CA10: variants seen among roughly 807,000 people sequenced by gnomAD.
CA10 encodes carbonic anhydrase 10 (inactive), also known as carbonic anhydrase-related protein 10.
Under a neutral mutation model 44.2 loss-of-function variants are expected in CA10, and 14 were observed. That is an observed-to-expected ratio of 0.32 (90% confidence interval 0.21 to 0.50). CA10 has a LOEUF of 0.50. CA10 is among the 20% of genes least tolerant of loss of function. CA10 has a pLI of 0.99. For missense variants in CA10, 350 were observed against 409.7 expected (o/e 0.85, Z 1.26); for synonymous variants, 159 against 141.6 (o/e 1.12, Z -0.87).
At chr17:52,026,780 C>T (rs755219804) in intron 2 of CA10, among the ~76,000 whole-genome samples, 4 of 152,100 alleles carry the variant, frequency 2.6e-5, no homozygotes, top group Non-Finnish European at 5.9e-5. Flanking sequence ...AATTACCTCT[C>T]ATGGGCTCCT....
At chr17:51,959,759 A>G (rs1983813179) in intron 2 of CA10, among the ~76,000 whole-genome samples, 1 of 148,418 alleles carries the variant, frequency 6.7e-6, no homozygotes, top group African/African-American at 2.5e-5. Context: ...GGTTAGACTT[A>G]TGACAAGAAC....
At chr17:51,788,504 C>T (rs148867558) in intron 3 of CA10, among the ~76,000 whole-genome samples, 1 of 152,298 alleles carries the variant, frequency 6.6e-6, no homozygotes, top group East Asian at 1.9e-4. Context: ...ATGATGACCT[C>T]CATCTAAATG....
rs528677569 is a variant in CA10 at position 51,660,845 on chromosome 17, G to GTGTC, written c.466-7113_466-7110dup. On this transcript the variant is annotated intron_variant, in intron 4 of 8. Transcript: ENST00000451037. ...GTCCTTGTTTTCTGTGCTCTGCTCAGTGTCTTTCTTTCAGCCTCCCTTATA... is the reference window on the plus strand; with the variant it reads ...GTCCTTGTTTTCTGTGCTCTGCTCAGTGTCTGTCTTTCTTTCAGCCTCCCTTATA... Among the ~76,000 whole-genome samples the GTGTC allele has an allele frequency of 4.9e-3, 745 of 152,232 alleles. 8 individuals carry two copies. The highest frequency in any genetic ancestry group is 0.039 in the South Asian group (186 of 4,808).
rs570726878 is a variant in CA10, at chr17:52,091,783, C to T, written c.62-19390G>A. ...ATTCAATTTAGCAGGAAATGGCAAA[C>T]ACTTTAGGGAACCCAAAGACCATCT... On this transcript the variant is annotated intron_variant, in intron 1 of 8. Transcript: ENST00000451037. 3.9e-5 allele frequency among the ~76,000 whole-genome samples: 6 copies of T among 152,246 alleles called. No individual in the cohort carries two copies. The South Asian group carries it at 1.2e-3, about 32-fold the overall frequency.
chr17:52,072,301 GAATTAAT>G lies in CA10; in HGVS notation c.136+11_136+17del. On this transcript the variant is annotated intron_variant, in intron 2 of 8. Coordinates refer to ENST00000451037, the MANE Select transcript of CA10 (RefSeq NM_020178.5). ...AATTGTTTTTAATAAATAAATTAAA[GAATTAAT>G]GTGTACTTACCTGGAACAAAGCTTC... The G allele has an allele frequency of 6.6e-7, 1 of 1,509,420 alleles. No individual in the cohort carries two copies. The highest frequency in any genetic ancestry group is 9.2e-7 in the Non-Finnish European group (1 of 1,090,650). 93.5% of individuals were successfully genotyped at this position (1,509,420 alleles called of 1,614,324 possible). A position where few individuals can be genotyped will look rare whatever the true frequency, so the allele number is the denominator to read the frequency against.
At chr17:51,920,349 C>G (rs1982178944) in intron 3 of CA10, among the ~76,000 whole-genome samples, 1 of 150,670 alleles carries the variant, frequency 6.6e-6, no homozygotes, top group South Asian at 2.1e-4. Context: ...GGGAAAGAGA[C>G]ACAGGGAAAT....
At chr17:52,096,498 C>A (rs777458059) in intron 1 of CA10, among the ~76,000 whole-genome samples, 1 of 151,020 alleles carries the variant, frequency 6.6e-6, no homozygotes, top group East Asian at 1.9e-4. Context: ...GAGGACAGAG[C>A]GAACAATCTT....
intron 1 of CA10, among the ~76,000 whole-genome samples, chr17:52,138,931 G>A (rs181278512): frequency 2.0e-4 from 30 of 152,292 alleles, no homozygotes; most frequent in Admixed American, 5.9e-4. Context: ...TGTAAGAAGC[G>A]CTTGCAGGGA....
intron 4 of CA10, among the ~76,000 whole-genome samples, chr17:51,731,837 C>A (rs191435738): frequency 6.6e-6 from 1 of 151,804 alleles, no homozygotes; most frequent in African/African-American, 2.4e-5. Context: ...ACCACCACAC[C>A]GGGCTAATTG....
intron 2 of CA10, among the ~76,000 whole-genome samples, chr17:52,048,669 A>G (rs1986980250): frequency 6.6e-6 from 1 of 151,964 alleles, no homozygotes; most frequent in Non-Finnish European, 1.5e-5. Context: ...TAGGAAAATA[A>G]TCTGAATATG....
chr17:51,727,910 C>G (rs535088232), intron 4 of CA10, among the ~76,000 whole-genome samples: 1 of 151,586 alleles, frequency 6.6e-6, no homozygotes, highest in Non-Finnish European at 1.5e-5. Flanking sequence ...TTTTTAAGGA[C>G]GGGGTCTCAC....
intron 2 of CA10, among the ~76,000 whole-genome samples, chr17:51,989,397 A>T (rs1047372131): frequency 6.6e-6 from 1 of 152,052 alleles, no homozygotes; most frequent in Non-Finnish European, 1.5e-5. Context: ...GCTTCCACTT[A>T]TAAGTGAGAA....
chr17:52,158,325 G>T lies in CA10; in HGVS notation c.-539C>A. 1 of 196,572 alleles carries T rather than the reference G, an allele frequency of 5.1e-6. No homozygotes were observed. Among genetic ancestry groups the T allele is most frequent in the Non-Finnish European group, 1.0e-5 (1 of 95,474 alleles). 12.2% of individuals were successfully genotyped at this position (196,572 alleles called of 1,614,324 possible). A position where few individuals can be genotyped will look rare whatever the true frequency, so the allele number is the denominator to read the frequency against. ...CCTCGAAGTCCGCCCCCCTCACCGG[G>T]GCATGGTCGGAGGGTGGCTGCTGCG... On this transcript the variant is annotated 5_prime_UTR_variant, in exon 1 of 9. Transcript: ENST00000451037.
chr17:51,706,294 G>A (rs1016586420), intron 4 of CA10, among the ~76,000 whole-genome samples: 5 of 152,190 alleles, frequency 3.3e-5, no homozygotes, highest in Admixed American at 6.5e-5. Context: ...TGTCCATCTG[G>A]TCTGCATTTG....
intron 3 of CA10, among the ~76,000 whole-genome samples, chr17:51,876,608 C>T (rs1475138062): frequency 2.6e-5 from 4 of 151,958 alleles, no homozygotes; most frequent in Non-Finnish European, 4.4e-5. Flanking sequence ...ATTAGGTACC[C>T]GTAACAGCCT....
intron 2 of CA10, among the ~76,000 whole-genome samples, chr17:52,060,438 A>G (rs550300837): frequency 1.4e-4 from 21 of 152,184 alleles, no homozygotes; most frequent in Non-Finnish European, 3.1e-4. Context: ...CCAGTAATGT[A>G]TCCAGGTTGG....
At chr17:51,984,171 A>T (rs563941112) in intron 2 of CA10, among the ~76,000 whole-genome samples, 1 of 151,956 alleles carries the variant, frequency 6.6e-6, no homozygotes, top group East Asian at 1.9e-4. Context: ...ACAATCTCAC[A>T]GAATAGTATG....
chr17:51,658,695 A>G (rs554616949), intron 4 of CA10, among the ~76,000 whole-genome samples: 9 of 152,288 alleles, frequency 5.9e-5, no homozygotes, highest in Non-Finnish European at 1.3e-4. Context: ...TTTATTCCAA[A>G]CACAATAGGA....
intron 3 of CA10, among the ~76,000 whole-genome samples, chr17:51,908,932 A>G (rs1310522286): frequency 6.6e-6 from 1 of 152,156 alleles, no homozygotes; most frequent in Non-Finnish European, 1.5e-5. Context: ...ACACAAAGAC[A>G]TTAGTAAAAT....
Sources: gnomAD v4.1 joint callset for allele counts (sites outside exome capture counted in the v4.1 genomes callset) on GRCh38, gnomAD v4.1.1 for gene constraint, MANE v1.5 for transcripts, NCBI Gene and HGNC (gene_info 2026-07-23, HGNC 2026-07-21) for gene names.